The following DONSON variants were observed in gnomAD, a reference collection of about 807,000 sequenced individuals.
DONSON encodes the protein protein downstream neighbor of Son.
DONSON carries 43 observed loss-of-function variants against 62.1 expected under a neutral mutation model. The ratio of observed to expected loss-of-function variants is 0.69; its 90% CI spans 0.54 to 0.89. DONSON has a LOEUF of 0.89. Ranked by LOEUF, DONSON falls within the 40% of genes least tolerant of loss-of-function variation. The pLI is 0.00. For missense variants in DONSON, 696 were observed against 697.5 expected (o/e 1.00, Z 0.03); for synonymous variants, 266 against 264.6 (o/e 1.01, Z -0.05).
chr21:33,587,734 A>G (rs1026356655), intron 1 of DONSON, 132 bp from the exon 2 acceptor site: 4 of 582,636 alleles, frequency 6.9e-6, no homozygotes, highest in Non-Finnish European at 1.2e-5. Flanking sequence ...CACCCCATCC[A>G]ATCTATGAGT....
chr21:33,582,252 T>G lies in DONSON; in HGVS notation c.965-6A>C, dbSNP rs569692762. The G allele has an allele frequency of 6.2e-7, 1 of 1,606,554 alleles. No homozygotes were observed. Among genetic ancestry groups the G allele is most frequent in the Non-Finnish European group, 8.5e-7 (1 of 1,173,690 alleles). On this transcript the variant is annotated splice_polypyrimidine_tract_variant and splice_region_variant and intron_variant, in intron 5 of 9. Coordinates refer to ENST00000303071, the MANE Select transcript of DONSON (RefSeq NM_017613.4). ...AGGCAGAGAAAATTCAATACCTATA[T>G]GAGGAACAAAAATGTAACTGAGTTG...
rs756317233 is a variant in DONSON, at chr21:33,588,360, G to A, written c.282C>T (p.Pro94=). 1 of 1,292,696 alleles carries A rather than the reference G, an allele frequency of 7.7e-7. No individual in the cohort carries two copies. The highest frequency in any genetic ancestry group is 3.0e-5 in the East Asian group (1 of 33,008). 80.1% of individuals were successfully genotyped at this position (1,292,696 alleles called of 1,614,324 possible). Residue 94 remains proline, a synonymous_variant, in exon 1 of 10, where the codon CCC becomes CCT. Transcript: ENST00000303071. The stretch of plus-strand genomic sequence containing the variant: ...CCGGCTGCTCGCGGGCCGGCCCGTC[G>A]GGGGGCTCCGCGGCGACCCGCGGTC... ...DNRPRVAAEP[P]DGPAREQPEA... is the part of the protein sequence containing the mutation.
Position 33,578,158 on chromosome 21 carries a change from T to C in DONSON, c.*149A>G. On this transcript the variant is annotated 3_prime_UTR_variant, in exon 10 of 10. Transcript: ENST00000303071. ...TATATCTAAAAATCTAATCTGAAAA[T>C]AGTAAAACACATTTAAAACCTTAGA... 4 of 793,662 alleles carry C rather than the reference T, an allele frequency of 5.0e-6. No individual in the cohort carries two copies. The highest frequency in any genetic ancestry group is 7.5e-6 in the Non-Finnish European group (4 of 533,492). 49.2% of individuals were successfully genotyped at this position (793,662 alleles called of 1,614,324 possible).
intron 2 of DONSON, among the ~76,000 whole-genome samples, chr21:33,586,811 A>G (rs538661974): frequency 2.0e-5 from 3 of 151,758 alleles, no homozygotes. Flanking sequence ...ATTTTTTTGT[A>G]TTTTTAGTCG....
chr21:33,588,538 G>A lies in DONSON; in HGVS notation c.104C>T (p.Pro35Leu). 1 of 1,252,166 alleles carries A rather than the reference G, an allele frequency of 8.0e-7. No homozygotes were observed. Among genetic ancestry groups the A allele is most frequent in the Non-Finnish European group, 1.0e-6 (1 of 998,944 alleles). 77.6% of individuals were successfully genotyped at this position (1,252,166 alleles called of 1,614,324 possible). ...CGCCGGCTCCGTCAGCTCACGGGGC[G>A]GGGAGGCGGCAGCTCCACGGCTCCG... The part of the protein sequence containing the change: ...RARSRGAAAS[P>L]PRELTEPAAR... Residue 35 changes from proline (P) to leucine (L), a missense_variant, in exon 1 of 10, where the codon CCG becomes CTG. Coordinates refer to ENST00000303071, the MANE Select transcript of DONSON (RefSeq NM_017613.4).
At chr21:33,581,236 A>T (rs771419508) in intron 8 of DONSON, 66 bp downstream of exon 8, 7 of 1,430,942 alleles carry the variant, frequency 4.9e-6, no homozygotes, top group Non-Finnish European at 6.6e-6. Context: ...TTTTTTTTTA[A>T]ATCAAGAATT....
intron 8 of DONSON, among the ~76,000 whole-genome samples, chr21:33,580,694 C>T (rs2086497692): frequency 6.6e-6 from 1 of 151,506 alleles, no homozygotes; most frequent in African/African-American, 2.4e-5. Context: ...CCAGCCTGGC[C>T]AATATGGTGA....
intron 1 of DONSON, 126 bp downstream of exon 1, chr21:33,588,195 C>T: frequency 1.2e-6 from 1 of 810,880 alleles, no homozygotes; most frequent in South Asian, 6.4e-5. Context: ...CCTAAGGCCA[C>T]GGGCGGCCGA....
intron 2 of DONSON, chr21:33,587,288 C>T: frequency 1.1e-6 from 1 of 875,248 alleles, no homozygotes; most frequent in Non-Finnish European, 1.4e-6. Flanking sequence ...GTCTATCAGG[C>T]CTATTTTAGC....
Position 33,578,067 on chromosome 21 carries a change from G to T in DONSON, c.*240C>A. 2.9e-6 allele frequency: 1 copy of T among 339,390 alleles called. No individual in the cohort carries two copies. The highest frequency in any genetic ancestry group is 5.3e-6 in the Non-Finnish European group (1 of 189,556). 21.0% of individuals were successfully genotyped at this position (339,390 alleles called of 1,614,324 possible). Reference sequence around the variant, plus strand: ...AAGGAAGCATATTAATTCAGTTTCTGCTCAATATACAATTAGGTTGTAGGG... The same window carrying T: ...AAGGAAGCATATTAATTCAGTTTCTTCTCAATATACAATTAGGTTGTAGGG... On this transcript the variant is annotated 3_prime_UTR_variant, in exon 10 of 10. Transcript: ENST00000303071.
Position 33,587,546 on chromosome 21 carries a change from T to C in DONSON, c.378A>G (p.Arg126=), listed in dbSNP as rs767048473. ...DLLWEEKFPE[R]TTVTELPQTS... Reference sequence around the variant, plus strand: ...CCTGAGGTAATTCAGTAACAGTTGTTCTTTCAGGAAACTTCTCTTCCCATA... The same window carrying C: ...CCTGAGGTAATTCAGTAACAGTTGTCCTTTCAGGAAACTTCTCTTCCCATA... Residue 126 remains arginine (R), a synonymous_variant, in exon 2 of 10, where the codon AGA becomes AGG. Coordinates refer to ENST00000303071, the MANE Select transcript of DONSON (RefSeq NM_017613.4). 2.2e-5 allele frequency: 35 copies of C among 1,600,162 alleles called. No homozygotes were observed. Among genetic ancestry groups the C allele is most frequent in the Non-Finnish European group, 2.5e-5 (29 of 1,175,806 alleles).
intron 8 of DONSON, among the ~76,000 whole-genome samples, chr21:33,580,930 T>C (rs1447166191): frequency 6.7e-6 from 1 of 150,326 alleles, no homozygotes; most frequent in Non-Finnish European, 1.5e-5. Flanking sequence ...AAAAAATAGC[T>C]AGGCTTGGTG....
chr21:33,587,372 C>G, intron 2 of DONSON, 150 bp downstream of exon 2: 1 of 1,369,486 alleles, frequency 7.3e-7, no homozygotes, highest in African/African-American at 1.5e-5. Flanking sequence ...TATTTTCATC[C>G]CTGGTTGAGA....
intron 1 of DONSON, among the ~76,000 whole-genome samples, chr21:33,588,082 T>G (rs536701236): frequency 6.6e-6 from 1 of 152,060 alleles, no homozygotes; most frequent in African/African-American, 2.4e-5. Context: ...CTCACTTTCC[T>G]CGGGAACGCG....
Position 33,584,621 on chromosome 21 carries a change from C to T in DONSON, c.754G>A (p.Ala252Thr). 1 of 1,612,740 alleles carries T rather than the reference C, an allele frequency of 6.2e-7. No homozygotes were observed. Residue 252 changes from alanine (A) to threonine (T), a missense_variant, in exon 4 of 10, where the codon GCA becomes ACA. Physicochemically the swap from Ala to Thr is moderately conservative, Grantham distance 58. Transcript: ENST00000303071. ...AGKTSPWSND[A>T]TLQHVLMSDW... ...CTCATTAAAACATGCTGCAGGGTTG[C>T]ATCATTTGACCAAGGACTTGTCTTT...
chr21:33,584,202 A>G (rs2086552119), intron 4 of DONSON, among the ~76,000 whole-genome samples: 1 of 151,036 alleles, frequency 6.6e-6, no homozygotes, highest in South Asian at 2.1e-4. Flanking sequence ...CCGCCACCAC[A>G]CCAGGCTAAT....
chr21:33,584,149 A>G (rs1403093334), intron 4 of DONSON, among the ~76,000 whole-genome samples: 2 of 148,386 alleles, frequency 1.3e-5, no homozygotes, highest in Non-Finnish European at 1.5e-5. Flanking sequence ...GGTTCATGCC[A>G]TTCTCCTGCC....
chr21:33,578,396 G>C lies in DONSON; in HGVS notation c.1612C>G (p.Leu538Val). ...AACGGTATTTGACTAAGTTGCTCCA[G>C]AGTGTTAGGGTGCAAACCACAGTTA... is the stretch of plus-strand genomic sequence containing the variant. Reference protein sequence around the residue: ...LTNCGLHPNTLEQLSQIPLLG... With the variant: ...LTNCGLHPNTVEQLSQIPLLG... The change falls in exon 10 of 10, where the codon CTG becomes GTG. Residue 538 changes from leucine (L) to valine (V), a missense_variant. Transcript: ENST00000303071. 1 of 1,614,044 alleles carries C rather than the reference G, an allele frequency of 6.2e-7. No homozygotes were observed. The highest frequency in any genetic ancestry group is 8.5e-7 in the Non-Finnish European group (1 of 1,179,950).
chr21:33,579,113 C>CG (rs745980515), intron 9 of DONSON, among the ~76,000 whole-genome samples: 208 of 150,586 alleles, frequency 1.4e-3, no homozygotes, highest in Non-Finnish European at 2.3e-3. Flanking sequence ...CACTCCAGCC[C>CG]GGGCAACAGC....
Sources: gnomAD v4.1 joint callset for allele counts (sites outside exome capture counted in the v4.1 genomes callset) on GRCh38, gnomAD v4.1.1 for gene constraint, MANE v1.5 for transcripts, NCBI Gene and HGNC (gene_info 2026-07-23, HGNC 2026-07-21) for gene names.